Variants in NUP43 observed in about 807,000 individuals in gnomAD.
The protein encoded by NUP43 is nucleoporin Nup43.
In NUP43, 32 loss-of-function variants were observed where a neutral mutation model predicts 47.3. That is an observed-to-expected ratio of 0.68 (90% CI 0.51 to 0.91). The LOEUF (loss-of-function observed/expected upper bound fraction) is 0.91. Among genes scored for constraint, NUP43 ranks in the 40% least tolerant of loss-of-function variants. NUP43 has a pLI of 0.00. For missense variants in NUP43, 444 were observed against 453.9 expected (o/e 0.98, Z 0.20); for synonymous variants, 147 against 158.4 (o/e 0.93, Z 0.54).
At chr6:149,730,254 CTG>C (rs1463227427) in intron 7 of NUP43, among the ~76,000 whole-genome samples, 1 of 152,172 alleles carries the variant, frequency 6.6e-6, no homozygotes, top group African/African-American at 2.4e-5. Flanking sequence ...GGTGATCCAC[CTG>C]CCTTGGCCTC....
At position 149,732,551 on chromosome 6, in the gene NUP43, G is replaced by GA. The variant is rs957813735; in HGVS notation, c.791-817dup. Among the ~76,000 whole-genome samples, 85 of 113,510 alleles carry GA rather than the reference G, an allele frequency of 7.5e-4. 1 individual carries two copies. Among genetic ancestry groups the GA allele is most frequent in the Admixed American group, 6.3e-3 (68 of 10,742 alleles). The allele number at this position is 113,510 out of a possible 152,430, so 74.5% of individuals were successfully genotyped here. A position where few individuals can be genotyped will look rare whatever the true frequency, so the allele number is the denominator to read the frequency against. Reference sequence around the variant, plus strand: ...AACAAGAGTGAGACTCTGTCTCAAGGAAAAAAAAAAATGTCCAGGCGCAGT... The same window carrying GA: ...AACAAGAGTGAGACTCTGTCTCAAGGAAAAAAAAAAAATGTCCAGGCGCAGT... On this transcript the variant is annotated intron_variant, in intron 6 of 7. Coordinates refer to ENST00000340413, the MANE Select transcript of NUP43 (RefSeq NM_198887.3).
chr6:149,740,275 C>CAAAAAAA (rs766447484), intron 4 of NUP43, among the ~76,000 whole-genome samples: 2 of 22,436 alleles, frequency 8.9e-5, no homozygotes, highest in Non-Finnish European at 1.5e-4. Context: ...GACCCTGTCT[C>CAAAAAAA]AAAAAAAAAA....
chr6:149,747,450 A>ATT (rs774011395), upstream of NUP43, among the ~76,000 whole-genome samples: 58 of 136,464 alleles, frequency 4.3e-4, no homozygotes, highest in African/African-American at 1.4e-3. Context: ...TGCCTGGCTA[A>ATT]TTTTTTTTTT....
chr6:149,726,396 C>CAAACAA lies in NUP43; in HGVS notation c.*572_*573insTTGTTT, dbSNP rs1784789630. 1.1e-5 allele frequency: 1 copy of CAAACAA among 94,636 alleles called. No individual in the cohort carries two copies. Among genetic ancestry groups the CAAACAA allele is most frequent in the East Asian group, 3.0e-4 (1 of 3,324 alleles). The allele number at this position is 94,636 out of a possible 1,614,324, so 5.9% of individuals were successfully genotyped here. A position where few individuals can be genotyped will look rare whatever the true frequency, so the allele number is the denominator to read the frequency against. On this transcript the variant is annotated 3_prime_UTR_variant, in exon 8 of 8. Coordinates refer to ENST00000340413, the MANE Select transcript of NUP43 (RefSeq NM_198887.3). ...ACTCCAGCAGAGCAAGACTCTGCCT[C>CAAACAA]AAAAAAAAAAAAAAAAAAAAATTGA...
At position 149,746,520 on chromosome 6, in the gene NUP43, T is replaced by C. The variant is rs200177063; in HGVS notation, c.-25A>G. ...TGCCGAAAGCGGCCGCAGCAGGTAC[T>C]GCAAAAAGCAAGCACAGTACGCGCC... On this transcript the variant is annotated 5_prime_UTR_variant, in exon 1 of 8. Transcript: ENST00000340413. 44 of 1,614,116 alleles carry C rather than the reference T, an allele frequency of 2.7e-5. No homozygotes were observed. The Admixed American group carries it at 3.2e-4, about 12-fold the overall frequency.
In NUP43 at chr6:149,726,802, G is replaced by C. The variant is rs1562371818; in HGVS notation, c.*167C>G. The C allele has an allele frequency of 6.5e-6, 4 of 611,526 alleles. No homozygotes were observed. The allele number at this position is 611,526 out of a possible 1,614,324, so 37.9% of individuals were successfully genotyped here. ...CATCTATCGGATTCTACAACTGTTTGGGAGTGTCAGGCTAACAAAAGTCAA... is the reference window on the plus strand; with the variant it reads ...CATCTATCGGATTCTACAACTGTTTCGGAGTGTCAGGCTAACAAAAGTCAA... On this transcript the variant is annotated 3_prime_UTR_variant, in exon 8 of 8. Coordinates refer to ENST00000340413, the MANE Select transcript of NUP43 (RefSeq NM_198887.3).
At position 149,742,538 on chromosome 6, in the gene NUP43, A is replaced by C. The variant is rs1180566301; in HGVS notation, c.354T>G (p.Ala118=). Reference sequence around the variant, plus strand: ...GACTGCCAGGGCCTGTGTGGTAGTGAGCTGTAGTCCACTGCTGGTTGACTG... The same window carrying C: ...GACTGCCAGGGCCTGTGTGGTAGTGCGCTGTAGTCCACTGCTGGTTGACTG... ...TLSVNQQWTT[A]HYHTGPGSPS... Residue 118 remains alanine, a synonymous_variant, in exon 4 of 8, where the codon GCT becomes GCG. Coordinates refer to ENST00000340413, the MANE Select transcript of NUP43 (RefSeq NM_198887.3). The C allele has an allele frequency of 1.2e-6, 2 of 1,614,132 alleles. No individual in the cohort carries two copies. Among genetic ancestry groups the C allele is most frequent in the Non-Finnish European group, 1.7e-6 (2 of 1,179,968 alleles).
rs747208884 is a variant in NUP43, at chr6:149,746,508, C to A, written c.-13G>T. 6.2e-7 allele frequency: 1 copy of A among 1,614,142 alleles called. No homozygotes were observed. The highest frequency in any genetic ancestry group is 2.2e-5 in the East Asian group (1 of 44,872). On this transcript the variant is annotated 5_prime_UTR_variant, in exon 1 of 8. Coordinates refer to ENST00000340413, the MANE Select transcript of NUP43 (RefSeq NM_198887.3). Reference sequence around the variant, plus strand: ...AAATTTCCTCCATGCCGAAAGCGGCCGCAGCAGGTACTGCAAAAAGCAAGC... The same window carrying A: ...AAATTTCCTCCATGCCGAAAGCGGCAGCAGCAGGTACTGCAAAAAGCAAGC...
In NUP43 at chr6:149,725,833, G is replaced by C. The variant is rs1784771740; in HGVS notation, c.*1136C>G. ...CTGCAGACAAGGATAAAGATGGTTG[G>C]TAACACTATAGGTGGCTAAAACAAA... On this transcript the variant is annotated 3_prime_UTR_variant, in exon 8 of 8. Coordinates refer to ENST00000340413, the MANE Select transcript of NUP43 (RefSeq NM_198887.3). The C allele has an allele frequency of 2.0e-5, 3 of 152,258 alleles. No homozygotes were observed. The South Asian group carries it at 6.2e-4, about 32-fold the overall frequency. 9.4% of individuals were successfully genotyped at this position (152,258 alleles called of 1,614,324 possible). A position where few individuals can be genotyped will look rare whatever the true frequency, so the allele number is the denominator to read the frequency against.
At chr6:149,731,010 T>C (rs1785010355) in intron 7 of NUP43, among the ~76,000 whole-genome samples, 1 of 151,976 alleles carries the variant, frequency 6.6e-6, no homozygotes, top group Admixed American at 6.6e-5. Context: ...CTCATGCCTG[T>C]AATCCCAGCA....
At chr6:149,743,593 A>C (rs774060089) in intron 3 of NUP43, 45 bp downstream of exon 3, 1 of 1,281,030 alleles carries the variant, frequency 7.8e-7, no homozygotes, top group Admixed American at 2.0e-5. Flanking sequence ...GCAAAACTCC[A>C]TTTCAAAAAA....
intron 6 of NUP43, among the ~76,000 whole-genome samples, chr6:149,734,170 CTAA>C (rs1785202524): frequency 6.6e-6 from 1 of 151,854 alleles, no homozygotes; most frequent in African/African-American, 2.4e-5. Flanking sequence ...CTATAGAAAT[CTAA>C]TAATAAAAAA....
At chr6:149,738,489 C>T (rs897551282) in intron 5 of NUP43, among the ~76,000 whole-genome samples, 154 bp downstream of exon 5, 2 of 152,216 alleles carry the variant, frequency 1.3e-5, no homozygotes, top group African/African-American at 4.8e-5. Flanking sequence ...GTAGTACCAA[C>T]CCCGTCAAGT....
Position 149,743,684 on chromosome 6 carries a change from G to A in NUP43, c.275C>T (p.Ser92Leu). ...GAAAACTGTTACACATCCTGTTGAT[G>A]AAGCAGCGACAATTCTTTCCTGGTC... is the stretch of plus-strand genomic sequence containing the variant. ...FFDQERIVAA[S>L]STGCVTVFLH... Residue 92 changes from serine (S) to leucine (L), a missense_variant, in exon 3 of 8, where the codon TCA (serine) becomes TTA (leucine). Physicochemically the swap from Ser to Leu is moderately radical, Grantham distance 145. Transcript: ENST00000340413. 1.2e-6 allele frequency: 2 copies of A among 1,611,288 alleles called. No homozygotes were observed. The highest frequency in any genetic ancestry group is 1.7e-6 in the Non-Finnish European group (2 of 1,178,146).
rs1454923367 is a variant in NUP43, at chr6:149,726,366, A to C, written c.*603T>G. 4 of 142,626 alleles carry C rather than the reference A, an allele frequency of 2.8e-5. No homozygotes were observed. Among genetic ancestry groups the C allele is most frequent in the African/African-American group, 5.3e-5 (2 of 37,510 alleles). The allele number at this position is 142,626 out of a possible 1,614,324, so 8.8% of individuals were successfully genotyped here. ...GGTTGCAGTGAGCCGAGATTGCACC[A>C]CCGCACTCCAGCAGAGCAAGACTCT... On this transcript the variant is annotated 3_prime_UTR_variant, in exon 8 of 8. Transcript: ENST00000340413.
chr6:149,738,785 A>G lies in NUP43; in HGVS notation c.503-7T>C, dbSNP rs1188558563. The G allele has an allele frequency of 6.8e-7, 1 of 1,471,114 alleles. No individual in the cohort carries two copies. Among genetic ancestry groups the G allele is most frequent in the African/African-American group, 1.4e-5 (1 of 70,010 alleles). 91.1% of individuals were successfully genotyped at this position (1,471,114 alleles called of 1,614,324 possible). On this transcript the variant is annotated splice_region_variant and splice_polypyrimidine_tract_variant and intron_variant, in intron 4 of 7. Transcript: ENST00000340413. ...GTACTACTATCTGCATTGTCTAAAA[A>G]TTTAAAAAATGGTAGTATGTGTTAA... is the stretch of plus-strand genomic sequence containing the variant.
intron 4 of NUP43, among the ~76,000 whole-genome samples, chr6:149,741,106 T>C (rs1785630799): frequency 6.6e-6 from 1 of 152,176 alleles, no homozygotes; most frequent in South Asian, 2.1e-4. Flanking sequence ...TCATTCATAC[T>C]GGTCTCATCA....
chr6:149,727,048 G>A lies in NUP43; in HGVS notation c.1064C>T (p.Thr355Ile). The A allele has an allele frequency of 6.2e-7, 1 of 1,614,142 alleles. No homozygotes were observed. The highest frequency in any genetic ancestry group is 8.5e-7 in the Non-Finnish European group (1 of 1,179,996). Reference protein sequence around the residue: ...LLPSRSLSVNTLDVLGPCLVC... With the variant: ...LLPSRSLSVNILDVLGPCLVC... The stretch of plus-strand genomic sequence containing the variant: ...AAGACAAGGACCTAAAACATCCAAA[G>A]TGTTCACAGACAGAGACCTACTGGG... The change falls in exon 8 of 8, where the codon ACT becomes ATT. Residue 355 changes from threonine (T) to isoleucine (I), a missense_variant. Transcript: ENST00000340413.
rs1784770309 is a variant in NUP43 at position 149,725,779 on chromosome 6, T to G, written c.*1190A>C. On this transcript the variant is annotated 3_prime_UTR_variant, in exon 8 of 8. Transcript: ENST00000340413. ...GAAAGATAGTATCATTAAATTATCT[T>G]AAAACACTACATTAGTTCATTATTA... 6.6e-6 allele frequency: 1 copy of G among 152,152 alleles called. No individual in the cohort carries two copies. The allele number at this position is 152,152 out of a possible 1,614,324, so 9.4% of individuals were successfully genotyped here. A position where few individuals can be genotyped will look rare whatever the true frequency, so the allele number is the denominator to read the frequency against.
Sources: gnomAD v4.1 joint callset for allele counts (sites outside exome capture counted in the v4.1 genomes callset) on GRCh38, gnomAD v4.1.1 for gene constraint, MANE v1.5 for transcripts, NCBI Gene and HGNC (gene_info 2026-07-23, HGNC 2026-07-21) for gene names.